The following FBLN1 variants were observed in gnomAD, a reference collection of about 807,000 sequenced individuals.
FBLN1 encodes the protein fibulin-1.
A neutral mutation model predicts 89.7 loss-of-function variants in FBLN1; 34 were observed. The observed-to-expected ratio is 0.38, with a 90% CI of 0.29 to 0.50. The LOEUF (loss-of-function observed/expected upper bound fraction) is 0.50, where lower values mean the gene tolerates loss of function less well. Ranked by LOEUF, FBLN1 falls within the 20% of genes least tolerant of loss-of-function variation. The pLI is 0.92. For synonymous variants in FBLN1, 393 were observed against 391.3 expected, an observed-to-expected ratio of 1.00 and a Z score of -0.05; for missense variants, 777 against 988.1, an observed-to-expected ratio of 0.79 and a Z score of 2.86.
intron 16 of FBLN1, among the ~76,000 whole-genome samples, chr22:45,598,574 C>G (rs1017893172): frequency 1.3e-5 from 2 of 152,192 alleles, no homozygotes; most frequent in Non-Finnish European, 2.9e-5. Context: ...TCCTGACTCC[C>G]CAGCCCTCCC....
intron 16 of FBLN1, among the ~76,000 whole-genome samples, chr22:45,591,480 C>G (rs1320792914): frequency 1.3e-5 from 2 of 152,188 alleles, no homozygotes; most frequent in African/African-American, 2.4e-5. Flanking sequence ...TCCAAACTGT[C>G]TGATTTAGCT....
chr22:45,509,023 A>G lies in FBLN1; in HGVS notation c.79+5959A>G, dbSNP rs180721020. ...GCGGTAGTTAGGGAGGACTTCCTGG[A>G]GGAAGGGACCTTTGAGCTGGTGTGG... On this transcript the variant is annotated intron_variant, in intron 1 of 16. Coordinates refer to ENST00000327858, the MANE Select transcript of FBLN1 (RefSeq NM_006486.3). 8.5e-5 allele frequency among the ~76,000 whole-genome samples: 13 copies of G among 152,286 alleles called. No homozygotes were observed. In the East Asian group the frequency reaches 2.5e-3, roughly 29 times the overall value.
chr22:45,553,407 G>A (rs993504833), intron 14 of FBLN1, among the ~76,000 whole-genome samples: 3 of 152,302 alleles, frequency 2.0e-5, no homozygotes, highest in African/African-American at 7.2e-5. Context: ...GGGCGGGCTC[G>A]CCTATGCCCT....
rs984445871 is a variant in FBLN1 at position 45,556,155 on chromosome 22, C to T, written c.1697+5540C>T. Among the ~76,000 whole-genome samples, 1 of 152,086 alleles carries T rather than the reference C, an allele frequency of 6.6e-6. No individual in the cohort carries two copies. The highest frequency in any genetic ancestry group is 2.4e-5 in the African/African-American group (1 of 41,422). The stretch of plus-strand genomic sequence containing the variant: ...AGATTACAGGTGTGCACCACCATAC[C>T]CAGCTAATTTTTCTATTTTAAGTAG... On this transcript the variant is annotated intron_variant, in intron 14 of 16. Coordinates refer to ENST00000327858, the MANE Select transcript of FBLN1 (RefSeq NM_006486.3). This position sits in a 1 kb window ranked among gnomAD's most constrained non-coding sequence, Gnocchi z 4.6.
Position 45,597,951 on chromosome 22 carries a change from GAA to G in FBLN1, c.1973-2355_1973-2354del, listed in dbSNP as rs2089200333. Among the ~76,000 whole-genome samples, 2 of 152,222 alleles carry G rather than the reference GAA, an allele frequency of 1.3e-5. No homozygotes were observed. Among genetic ancestry groups the G allele is most frequent in the South Asian group, 2.1e-4 (1 of 4,814 alleles). On this transcript the variant is annotated intron_variant, in intron 16 of 16. Transcript: ENST00000327858. The surrounding 1 kb of genome is among the most constrained non-coding windows in gnomAD (Gnocchi z 4.2). The stretch of plus-strand genomic sequence containing the variant: ...GCGTGAACTTGATGTTCCTGACCAG[GAA>G]CCAGCCACTCGTACCGAAGGCCTTC...
rs773281950 is a variant in FBLN1 at position 45,525,489 on chromosome 22, T to A, written c.186-54T>A. On this transcript the variant is annotated intron_variant, in intron 2 of 16. Coordinates refer to ENST00000327858, the MANE Select transcript of FBLN1 (RefSeq NM_006486.3). ...AGCACCCCCACCCCCGAGGATCTCGTGCCCTGGGCCCCCTGCGCACAGAGC... is the reference window on the plus strand; with the variant it reads ...AGCACCCCCACCCCCGAGGATCTCGAGCCCTGGGCCCCCTGCGCACAGAGC... 7.6e-4 allele frequency: 1,173 copies of A among 1,538,548 alleles called. 3 individuals are homozygous for A. The highest frequency in any genetic ancestry group is 9.6e-4 in the Non-Finnish European group (1,098 of 1,138,418).
At chr22:45,552,098 C>T (rs1233933624) in intron 14 of FBLN1, among the ~76,000 whole-genome samples, 2 of 152,222 alleles carry the variant, frequency 1.3e-5, no homozygotes, top group Non-Finnish European at 2.9e-5. Context: ...AAAGTCGTTT[C>T]TTCCTGGACC....
At chr22:45,513,633 C>G (rs1051974114) in intron 1 of FBLN1, among the ~76,000 whole-genome samples, 2 of 152,148 alleles carry the variant, frequency 1.3e-5, no homozygotes, top group African/African-American at 4.8e-5. Context: ...AATACTAACT[C>G]CCCGTCCTCT....
Position 45,535,344 on chromosome 22 carries a change from G to T in FBLN1, c.922+7G>T, listed in dbSNP as rs1265556369. Reference sequence around the variant, plus strand: ...GCTCTAGGCAACTGTATTGGTAAGAGGTGTGCCGCCAGGATTAGCGGGTTA... The same window carrying T: ...GCTCTAGGCAACTGTATTGGTAAGATGTGTGCCGCCAGGATTAGCGGGTTA... On this transcript the variant is annotated splice_region_variant and intron_variant, in intron 8 of 16. Transcript: ENST00000327858. 6.2e-7 allele frequency: 1 copy of T among 1,614,028 alleles called. No homozygotes were observed. Among genetic ancestry groups the T allele is most frequent in the Non-Finnish European group, 8.5e-7 (1 of 1,179,990 alleles).
intron 8 of FBLN1, among the ~76,000 whole-genome samples, chr22:45,539,981 A>G (rs1254901681): frequency 6.6e-6 from 1 of 152,164 alleles, no homozygotes; most frequent in Non-Finnish European, 1.5e-5. Flanking sequence ...ATGGTAACTA[A>G]CAACTTCAGT....
rs1362415225 is a variant in FBLN1, at chr22:45,597,804, T to C, written c.1973-2503T>C. ...CCTGTGCTTATCTCTCCATCGGAGC[T>C]AAAGCCCATGTTTGCTTAGGGAACA... is the stretch of plus-strand genomic sequence containing the variant. On this transcript the variant is annotated intron_variant, in intron 16 of 16. Coordinates refer to ENST00000327858, the MANE Select transcript of FBLN1 (RefSeq NM_006486.3). The surrounding 1 kb of genome is among the most constrained non-coding windows in gnomAD (Gnocchi z 4.2). Among the ~76,000 whole-genome samples the C allele has an allele frequency of 6.6e-6, 1 of 152,190 alleles. No individual in the cohort carries two copies. Among genetic ancestry groups the C allele is most frequent in the Admixed American group, 6.5e-5 (1 of 15,284 alleles).
intron 14 of FBLN1, among the ~76,000 whole-genome samples, chr22:45,555,486 G>A (rs1191761417): frequency 6.6e-6 from 1 of 151,972 alleles, no homozygotes; most frequent in African/African-American, 2.4e-5. Context: ...GATGTAGGCT[G>A]GGAGGCTAGG....
At chr22:45,584,239 G>T (rs2089066404) in intron 16 of FBLN1, among the ~76,000 whole-genome samples, 1 of 152,176 alleles carries the variant, frequency 6.6e-6, no homozygotes, top group Admixed American at 6.5e-5. Context: ...CTTGACAGCC[G>T]CTTTCCCACA....
At position 45,574,012 on chromosome 22, in the gene FBLN1, T is replaced by G. The variant is rs890120068; in HGVS notation, c.1698-499T>G. On this transcript the variant is annotated intron_variant, in intron 14 of 16. Transcript: ENST00000327858. The surrounding 1 kb of genome is among the most constrained non-coding windows in gnomAD (Gnocchi z 4.1). ...CTCCCCGTCACCTGGTGATGTGGAATTGACTGCCCTGTGCTGGGCACCGAG... is the reference window on the plus strand; with the variant it reads ...CTCCCCGTCACCTGGTGATGTGGAAGTGACTGCCCTGTGCTGGGCACCGAG... 5.9e-5 allele frequency among the ~76,000 whole-genome samples: 9 copies of G among 152,172 alleles called. No homozygotes were observed. Among genetic ancestry groups the G allele is most frequent in the African/African-American group, 1.9e-4 (8 of 41,426 alleles).
Position 45,577,368 on chromosome 22 carries a change from G to A in FBLN1, c.1972+260G>A, listed in dbSNP as rs534752250. On this transcript the variant is annotated intron_variant, in intron 16 of 16. Transcript: ENST00000327858. The surrounding 1 kb of genome is among the most constrained non-coding windows in gnomAD (Gnocchi z 6.6). Reference sequence around the variant, plus strand: ...GACCCCTCTGGGTCTCGGTCTCCCTGCCTATAACATGGGTGGGTTCCAGAG... The same window carrying A: ...GACCCCTCTGGGTCTCGGTCTCCCTACCTATAACATGGGTGGGTTCCAGAG... 6.6e-6 allele frequency among the ~76,000 whole-genome samples: 1 copy of A among 152,184 alleles called. No homozygotes were observed. The highest frequency in any genetic ancestry group is 1.5e-5 in the Non-Finnish European group (1 of 68,034).
intron 1 of FBLN1, chr22:45,517,606 G>A (rs372069245): frequency 1.7e-4 from 79 of 471,236 alleles, no homozygotes; most frequent in African/African-American, 7.4e-4. Context: ...GCCAGGCTGC[G>A]GTTACTCCTG....
At position 45,574,754 on chromosome 22, in the gene FBLN1, C is replaced by A. The variant is rs530096506; in HGVS notation, c.1840+101C>A. Reference sequence around the variant, plus strand: ...GAGTTGTTCCTTGTAAGATGTGGCCCAGGCTTTGAAATGCAGAACTTTCTT... The same window carrying A: ...GAGTTGTTCCTTGTAAGATGTGGCCAAGGCTTTGAAATGCAGAACTTTCTT... On this transcript the variant is annotated intron_variant, in intron 15 of 16. Transcript: ENST00000327858. The surrounding 1 kb of genome is among the most constrained non-coding windows in gnomAD (Gnocchi z 4.1). 5.4e-6 allele frequency: 5 copies of A among 930,900 alleles called. No individual in the cohort carries two copies. In the South Asian group the frequency reaches 6.0e-5, roughly 11 times the overall value. The allele number at this position is 930,900 out of a possible 1,614,324, so 57.7% of individuals were successfully genotyped here.
chr22:45,513,007 T>A (rs930522187), intron 1 of FBLN1, among the ~76,000 whole-genome samples: 8 of 152,348 alleles, frequency 5.3e-5, no homozygotes, highest in Middle Eastern at 3.4e-3. Context: ...CTGAACATTT[T>A]AAGTCTCATT....
intron 1 of FBLN1, chr22:45,517,246 G>A (rs916166559): frequency 3.8e-6 from 1 of 264,272 alleles, no homozygotes; most frequent in Non-Finnish European, 7.4e-6. Flanking sequence ...GAAAAGTGGT[G>A]CTTCTTAAAG....
Sources: gnomAD v4.1 joint callset for allele counts (sites outside exome capture counted in the v4.1 genomes callset) on GRCh38, gnomAD v4.1.1 for gene constraint, Gnocchi (gnomAD v3.1) non-coding constraint, MANE v1.5 for transcripts, NCBI Gene and HGNC (gene_info 2026-07-23, HGNC 2026-07-21) for gene names.